The following TMEM132D variants were observed in gnomAD, a reference collection of about 807,000 sequenced individuals.
TMEM132D encodes mature OL transmembrane protein.
Under a neutral mutation model 62.3 loss-of-function variants are expected in TMEM132D, and 21 were observed. That is an observed-to-expected ratio of 0.34 (90% CI 0.24 to 0.49). The LOEUF (loss-of-function observed/expected upper bound fraction) is 0.49. Among genes scored for constraint, TMEM132D ranks in the 20% least tolerant of loss-of-function variants. TMEM132D has a pLI of 0.99. For missense variants in TMEM132D, 1,346 were observed against 1,402.8 expected, an observed-to-expected ratio of 0.96 and a Z score of 0.65; for synonymous variants, 621 against 575.6, an observed-to-expected ratio of 1.08 and a Z score of -1.13.
At chr12:129,441,342 C>T (rs1872930924) in intron 3 of TMEM132D, among the ~76,000 whole-genome samples, 1 of 152,064 alleles carries the variant, frequency 6.6e-6, no homozygotes, top group Non-Finnish European at 1.5e-5. Flanking sequence ...CAGGTGTTGC[C>T]CGCACGGTAT....
chr12:129,087,675 A>G (rs912264202), intron 5 of TMEM132D, among the ~76,000 whole-genome samples: 3 of 152,198 alleles, frequency 2.0e-5, no homozygotes, highest in African/African-American at 7.2e-5. Context: ...GGACAGGCCT[A>G]CCGACACCTT....
rs567177697 is a variant in TMEM132D, at chr12:129,790,856, G to A, written c.80-90158C>T. 1.4e-4 allele frequency among the ~76,000 whole-genome samples: 21 copies of A among 152,250 alleles called. 1 individual carries two copies. The South Asian group carries it at 4.1e-3, about 30-fold the overall frequency. ...TTGTATCCTCCATAGCATGCACAGT[G>A]TCTAAACCAGAAATATGTTTAATAG... On this transcript the variant is annotated intron_variant, in intron 1 of 8. Coordinates refer to ENST00000422113, the MANE Select transcript of TMEM132D (RefSeq NM_133448.3).
At chr12:129,803,139 A>G (rs1565991440) in intron 1 of TMEM132D, among the ~76,000 whole-genome samples, 1 of 151,650 alleles carries the variant, frequency 6.6e-6, no homozygotes, top group African/African-American at 2.4e-5. Flanking sequence ...ACGAGACAGA[A>G]AGTCAACAAG....
In TMEM132D at chr12:129,689,933, G is replaced by A. The variant is rs1237304958; in HGVS notation, c.968+9877C>T. On this transcript the variant is annotated intron_variant, in intron 2 of 8. Coordinates refer to ENST00000422113, the MANE Select transcript of TMEM132D (RefSeq NM_133448.3). ...GAGAACTGAGGTTGTAGGACAAAGC[G>A]CCACTCCCAAATGTGGAGAGACAGA... Among the ~76,000 whole-genome samples, 6 of 152,274 alleles carry A rather than the reference G, an allele frequency of 3.9e-5. No individual in the cohort carries two copies. The East Asian group carries it at 5.8e-4, about 15-fold the overall frequency.
intron 4 of TMEM132D, among the ~76,000 whole-genome samples, chr12:129,265,290 G>C (rs1309745690): frequency 6.6e-6 from 1 of 152,132 alleles, no homozygotes; most frequent in Non-Finnish European, 1.5e-5. Flanking sequence ...AGTAGCCTGA[G>C]TCAATAAAGA....
chr12:129,519,852 G>A (rs184085883), intron 3 of TMEM132D, among the ~76,000 whole-genome samples: 7 of 151,922 alleles, frequency 4.6e-5, no homozygotes, highest in Admixed American at 2.0e-4. Context: ...CAGGTGATCC[G>A]CCCGCCTCCG....
At chr12:129,300,195 G>A (rs555088713) in intron 4 of TMEM132D, among the ~76,000 whole-genome samples, 19 of 152,268 alleles carry the variant, frequency 1.2e-4, no homozygotes, top group African/African-American at 4.3e-4. Flanking sequence ...TTAAGATGCA[G>A]GAGTGTGTGG....
intron 3 of TMEM132D, among the ~76,000 whole-genome samples, chr12:129,386,296 A>G (rs1871103378): frequency 6.6e-6 from 1 of 152,196 alleles, no homozygotes; most frequent in Non-Finnish European, 1.5e-5. Flanking sequence ...CAATGCTAAC[A>G]CTAATGCTAA....
At chr12:129,801,259 G>C (rs1871770500) in intron 1 of TMEM132D, among the ~76,000 whole-genome samples, 1 of 152,190 alleles carries the variant, frequency 6.6e-6, no homozygotes, top group Non-Finnish European at 1.5e-5. Flanking sequence ...CTCCACCTCT[G>C]GGGGCAGGGC....
intron 3 of TMEM132D, among the ~76,000 whole-genome samples, chr12:129,461,443 TAGAAAGATGA>T (rs1455387873): frequency 6.6e-6 from 1 of 152,008 alleles, no homozygotes; most frequent in Non-Finnish European, 1.5e-5. Context: ...GTTTAGTTTG[TAGAAAGATGA>T]AGATGGACTG....
At chr12:129,169,650 TTATCTC>T (rs1361374106) in intron 5 of TMEM132D, among the ~76,000 whole-genome samples, 2 of 152,326 alleles carry the variant, frequency 1.3e-5, no homozygotes, top group Admixed American at 1.3e-4. Context: ...ATTTTTTTGT[TTATCTC>T]TATATTTCCA....
intron 1 of TMEM132D, among the ~76,000 whole-genome samples, chr12:129,802,932 G>C (rs892117352): frequency 2.6e-5 from 4 of 151,014 alleles, no homozygotes; most frequent in African/African-American, 4.9e-5. Flanking sequence ...AAGATCAAAA[G>C]AGACAAAGAA....
intron 3 of TMEM132D, among the ~76,000 whole-genome samples, chr12:129,341,175 G>C (rs935323138): frequency 6.6e-6 from 1 of 152,174 alleles, no homozygotes; most frequent in Admixed American, 6.5e-5. Context: ...TAAAGACAAG[G>C]ACTGTGCCTT....
chr12:129,575,668 A>C (rs570569429), intron 2 of TMEM132D, among the ~76,000 whole-genome samples: 3 of 151,908 alleles, frequency 2.0e-5, no homozygotes, highest in East Asian at 3.9e-4. Context: ...AAAGACAAAA[A>C]TTCCGTTTTT....
chr12:129,823,477 C>T (rs1872587158), intron 1 of TMEM132D, among the ~76,000 whole-genome samples: 1 of 152,230 alleles, frequency 6.6e-6, no homozygotes, highest in African/African-American at 2.4e-5. Flanking sequence ...CTCCTAAAAT[C>T]CACATTTCCG....
chr12:129,770,282 T>G (rs555553656), intron 1 of TMEM132D, among the ~76,000 whole-genome samples: 38 of 151,874 alleles, frequency 2.5e-4, no homozygotes, highest in Admixed American at 2.1e-3. Flanking sequence ...TAGCTGGGAT[T>G]ACAGGCACAT....
At chr12:129,879,373 A>G (rs971540101) in intron 1 of TMEM132D, among the ~76,000 whole-genome samples, 11 of 152,260 alleles carry the variant, frequency 7.2e-5, no homozygotes, top group Non-Finnish European at 1.6e-4. Flanking sequence ...GATGCAGAGA[A>G]CTGGAAAAAG....
At chr12:129,164,009 C>T (rs1877470608) in intron 5 of TMEM132D, among the ~76,000 whole-genome samples, 1 of 152,184 alleles carries the variant, frequency 6.6e-6, no homozygotes, top group African/African-American at 2.4e-5. Context: ...GGTTCCCAGG[C>T]CTTCCCTGGT....
chr12:129,719,476 G>T (rs1868731399), intron 1 of TMEM132D, among the ~76,000 whole-genome samples: 1 of 152,214 alleles, frequency 6.6e-6, no homozygotes, highest in African/African-American at 2.4e-5. Context: ...TCTGTCAGTA[G>T]CTCCTGTCTA....
Sources: gnomAD v4.1 joint callset for allele counts (sites outside exome capture counted in the v4.1 genomes callset) on GRCh38, gnomAD v4.1.1 for gene constraint, MANE v1.5 for transcripts, NCBI Gene and HGNC (gene_info 2026-07-23, HGNC 2026-07-21) for gene names.